The following YJU2 variants were observed in gnomAD, a reference collection of about 807,000 sequenced individuals.
YJU2 encodes YJU2 splicing factor homolog.
Under a neutral mutation model 39.6 loss-of-function variants are expected in YJU2, and 28 were observed. The observed-to-expected ratio is 0.71, with a 90% CI of 0.52 to 0.97. YJU2 has a LOEUF of 0.97. Ranked by LOEUF, YJU2 falls within the 50% of genes least tolerant of loss-of-function variation. YJU2 has a pLI of 0.00. For missense variants in YJU2, 328 were observed against 430.4 expected (o/e 0.76, Z 2.11); for synonymous variants, 184 against 182.4 (o/e 1.01, Z -0.07).
chr19:4,267,805 C>A, intron 7 of YJU2, 31 bp downstream of exon 7: 1 of 1,590,462 alleles, frequency 6.3e-7, no homozygotes, highest in South Asian at 1.1e-5. Context: ...GAGCCGGGCG[C>A]GGTTTCTATA....
chr19:4,262,507 C>T (rs1284015647), intron 6 of YJU2, among the ~76,000 whole-genome samples: 1 of 152,058 alleles, frequency 6.6e-6, no homozygotes, highest in Non-Finnish European at 1.5e-5. Context: ...CAGAACTTGA[C>T]TTTTTCTTAA....
rs1278082246 is a variant in YJU2 at position 4,248,850 on chromosome 19, C to T, written c.25-378C>T. 7.2e-5 allele frequency among the ~76,000 whole-genome samples: 11 copies of T among 152,110 alleles called. No individual in the cohort carries two copies. In the East Asian group the frequency reaches 1.7e-3, roughly 24 times the overall value. Reference sequence around the variant, plus strand: ...AGGAGAATCGCTTGAACCCAGGAGGCGGAGGTTGCAGTGAGCCAAGATCGC... The same window carrying T: ...AGGAGAATCGCTTGAACCCAGGAGGTGGAGGTTGCAGTGAGCCAAGATCGC... On this transcript the variant is annotated intron_variant, in intron 1 of 7. Transcript: ENST00000262962.
At chr19:4,259,227 C>T (rs1020167537) in intron 5 of YJU2, among the ~76,000 whole-genome samples, 1 of 150,400 alleles carries the variant, frequency 6.6e-6, no homozygotes, top group South Asian at 2.1e-4. Context: ...TAGAGGCATC[C>T]GCCACCAAGC....
intron 5 of YJU2, among the ~76,000 whole-genome samples, chr19:4,259,188 T>C (rs1568362660): frequency 6.8e-6 from 1 of 147,606 alleles, no homozygotes; most frequent in African/African-American, 2.5e-5. Context: ...TTCATGCCAT[T>C]CTGCCTCAGC....
In YJU2 at chr19:4,254,381, C is replaced by T. The variant is rs1228617941; in HGVS notation, c.297C>T (p.Thr99=). The change falls in exon 4 of 8, where the codon ACC becomes ACT. Residue 99 remains threonine (T), a synonymous_variant. Transcript: ENST00000262962. ...CAGACCCTGAAAACACAGACTACAC[C>T]ATGGAGCATGGAGCCACGCGGAATT... ...FKTDPENTDY[T]MEHGATRNFQ... The T allele has an allele frequency of 1.2e-5, 19 of 1,613,568 alleles. No homozygotes were observed. Among genetic ancestry groups the T allele is most frequent in the Non-Finnish European group, 1.5e-5 (18 of 1,179,852 alleles).
chr19:4,262,100 G>A lies in YJU2; in HGVS notation c.694G>A (p.Ala232Thr), dbSNP rs373312593. 6 of 1,610,012 alleles carry A rather than the reference G, an allele frequency of 3.7e-6. No homozygotes were observed. The highest frequency in any genetic ancestry group is 1.7e-5 in the Admixed American group (1 of 59,936). The change falls in exon 6 of 8, where the codon GCC (alanine) becomes ACC (threonine). Residue 232 changes from alanine to threonine, a missense_variant. Ala to Thr is a moderately conservative substitution (Grantham distance 58). Transcript: ENST00000262962. Reference protein sequence around the residue: ...LQPALRPNPTAILDEAPKPKR... With the variant: ...LQPALRPNPTTILDEAPKPKR... The stretch of plus-strand genomic sequence containing the variant: ...GCCAGCCCTTCGGCCCAACCCCACC[G>A]CCATCCTGGATGAGGTAAGTGGGGT...
chr19:4,258,628 C>T (rs1172036277), intron 5 of YJU2, among the ~76,000 whole-genome samples: 1 of 152,250 alleles, frequency 6.6e-6, no homozygotes, highest in African/African-American at 2.4e-5. Flanking sequence ...CACGTGGTCG[C>T]CCGCATGGCT....
intron 6 of YJU2, among the ~76,000 whole-genome samples, chr19:4,264,924 C>A (rs1000177947): frequency 1.1e-4 from 16 of 152,136 alleles, no homozygotes; most frequent in African/African-American, 3.9e-4. Context: ...GGCCCCAAGA[C>A]ATTTTTCTAA....
chr19:4,254,535 G>C (rs770051336), intron 4 of YJU2, 46 bp downstream of exon 4: 4 of 1,481,758 alleles, frequency 2.7e-6, no homozygotes, highest in Non-Finnish European at 1.8e-6. Flanking sequence ...GTGTGTGTGG[G>C]TGTGTGTGTG....
chr19:4,247,663 GTGTGTGTGT>G lies in YJU2; in HGVS notation c.24+494_24+502del. On this transcript the variant is annotated intron_variant, in intron 1 of 7. Coordinates refer to ENST00000262962, the MANE Select transcript of YJU2 (RefSeq NM_018074.6). ...TGTGTGTGTGTGTGTGTGTGTGTGT[GTGTGTGTGT>G]GTGTGTGTGTGTGTGTGTGTGTGTG... Among the ~76,000 whole-genome samples the G allele has an allele frequency of 6.8e-5, 6 of 87,622 alleles. 2 individuals carry two copies. Among genetic ancestry groups the G allele is most frequent in the African/African-American group, 2.3e-4 (5 of 22,016 alleles). 57.5% of individuals were successfully genotyped at this position (87,622 alleles called of 152,430 possible).
intron 3 of YJU2, among the ~76,000 whole-genome samples, chr19:4,252,265 G>C (rs1970983014): frequency 6.6e-6 from 1 of 151,024 alleles, no homozygotes; most frequent in African/African-American, 2.4e-5. Context: ...TTCGAGACCA[G>C]CCTGGACAAC....
chr19:4,257,519 G>C (rs997855912), intron 4 of YJU2, among the ~76,000 whole-genome samples: 7 of 151,844 alleles, frequency 4.6e-5, no homozygotes, highest in African/African-American at 1.7e-4. Context: ...TGTCACCCAG[G>C]TTGGAGTCCA....
intron 7 of YJU2, 64 bp from the exon 8 acceptor site, chr19:4,268,520 C>G: frequency 2.5e-6 from 3 of 1,212,910 alleles, no homozygotes; most frequent in South Asian, 1.3e-5. Context: ...TGGCCGGCCC[C>G]GTGCCTTGTC....
intron 5 of YJU2, among the ~76,000 whole-genome samples, chr19:4,261,651 ACT>A (rs1971071591): frequency 1.3e-5 from 2 of 151,836 alleles, no homozygotes; most frequent in African/African-American, 4.8e-5. Context: ...ACAGAGCGAG[ACT>A]CTGTCTCAAA....
intron 5 of YJU2, 90 bp from the exon 6 acceptor site, chr19:4,261,904 G>A: frequency 7.1e-7 from 1 of 1,408,536 alleles, no homozygotes; most frequent in Non-Finnish European, 9.7e-7. Context: ...AGGTCTCCAG[G>A]CACCCAGGCC....
At position 4,258,704 on chromosome 19, in the gene YJU2, G is replaced by A. The variant is rs149127087; in HGVS notation, c.587+281G>A. Among the ~76,000 whole-genome samples the A allele has an allele frequency of 6.1e-3, 933 of 152,342 alleles. 10 individuals are homozygous for A. Among genetic ancestry groups the A allele is most frequent in the African/African-American group, 0.019 (790 of 41,582 alleles). ...GGGGAAAGGCATGTGTGGTGTGTCG[G>A]GGGCCAGGCCTTCCAGATCCTCTCC... is the stretch of plus-strand genomic sequence containing the variant. On this transcript the variant is annotated intron_variant, in intron 5 of 7. Coordinates refer to ENST00000262962, the MANE Select transcript of YJU2 (RefSeq NM_018074.6).
chr19:4,254,420 G>A lies in YJU2; in HGVS notation c.336G>A (p.Lys112=), dbSNP rs1348746516. ...HGATRNFQAE[K]LLEEEEKRVQ... is the part of the protein sequence containing the mutation. ...CCACGCGGAATTTCCAGGCTGAGAA[G>A]CTCCTGGAGGAGGAGGAGAAGAGGG... The change falls in exon 4 of 8, where the codon AAG becomes AAA. Residue 112 remains lysine, a synonymous_variant. Transcript: ENST00000262962. The A allele has an allele frequency of 6.2e-7, 1 of 1,613,696 alleles. No homozygotes were observed. The highest frequency in any genetic ancestry group is 1.7e-5 in the Admixed American group (1 of 59,942).
chr19:4,263,703 G>A (rs1222925887), intron 6 of YJU2, among the ~76,000 whole-genome samples: 1 of 151,564 alleles, frequency 6.6e-6, no homozygotes, highest in Non-Finnish European at 1.5e-5. Context: ...CCAGTTACTC[G>A]GGAGGCTGAG....
At chr19:4,265,769 T>G (rs1971110532) in intron 6 of YJU2, among the ~76,000 whole-genome samples, 1 of 151,396 alleles carries the variant, frequency 6.6e-6, no homozygotes, top group African/African-American at 2.4e-5. Context: ...TTGTATTTTC[T>G]TTTTATTAAT....
Sources: allele counts gnomAD v4.1 joint callset (sites outside exome capture counted in the v4.1 genomes callset), GRCh38; gene constraint gnomAD v4.1.1; transcripts MANE v1.5; gene names NCBI Gene and HGNC (gene_info 2026-07-23, HGNC 2026-07-21).